The following ANO2 variants were observed in gnomAD, a reference collection of about 807,000 sequenced individuals.
ANO2 encodes anoctamin-2.
Under a neutral mutation model 124.2 loss-of-function variants are expected in ANO2, and 101 were observed. The observed-to-expected ratio is 0.81, with a 90% confidence interval of 0.69 to 0.96. The LOEUF is 0.96. Among genes scored for constraint, ANO2 ranks in the 40% least tolerant of loss-of-function variants. ANO2 has a pLI of 0.00. For synonymous variants in ANO2, 486 were observed against 482.5 expected (o/e 1.01, Z -0.09); for missense variants, 1,293 against 1,274.5 (o/e 1.01, Z -0.22).
Position 5,877,017 on chromosome 12 carries a change from C to G in ANO2, c.535-22876G>C, listed in dbSNP as rs183579279. Among the ~76,000 whole-genome samples, 324 of 152,158 alleles carry G rather than the reference C, an allele frequency of 2.1e-3. 1 individual carries two copies. Among genetic ancestry groups the G allele is most frequent in the Non-Finnish European group, 3.6e-3 (245 of 68,018 alleles). On this transcript the variant is annotated intron_variant, in intron 3 of 24. Coordinates refer to ENST00000682330, the MANE Select transcript of ANO2 (RefSeq NM_001364791.2). ...TAAATAAACATTCTTTCATCAATTC[C>G]CACTTTAAAGTAAAGAGCAAATGGT...
intron 7 of ANO2, among the ~76,000 whole-genome samples, chr12:5,811,549 G>A (rs1953390515): frequency 6.6e-6 from 1 of 152,200 alleles, no homozygotes; most frequent in East Asian, 1.9e-4. Flanking sequence ...AAATGTCCAC[G>A]AAAATATAGT....
chr12:5,724,262 C>G (rs1950345617), intron 14 of ANO2, among the ~76,000 whole-genome samples: 1 of 152,040 alleles, frequency 6.6e-6, no homozygotes, highest in Admixed American at 6.6e-5. Flanking sequence ...AACGAGAAAC[C>G]CTAAGAAGAG....
At chr12:5,801,042 G>T (rs1035364386) in intron 9 of ANO2, among the ~76,000 whole-genome samples, 5 of 152,158 alleles carry the variant, frequency 3.3e-5, no homozygotes, top group Admixed American at 2.6e-4. Flanking sequence ...GAAGCTAAGG[G>T]AAGAAAGGAT....
At chr12:5,805,042 G>A (rs980887548) in intron 9 of ANO2, among the ~76,000 whole-genome samples, 1 of 151,998 alleles carries the variant, frequency 6.6e-6, no homozygotes, top group Non-Finnish European at 1.5e-5. Flanking sequence ...ATTAAACACC[G>A]AGACTATTAG....
At chr12:5,709,423 T>G (rs904542549) in intron 14 of ANO2, among the ~76,000 whole-genome samples, 11 of 152,160 alleles carry the variant, frequency 7.2e-5, no homozygotes, top group Non-Finnish European at 1.3e-4. Flanking sequence ...TTCAATGATC[T>G]CCCTTCTCCT....
At chr12:5,918,339 G>C (rs549992482) in intron 3 of ANO2, among the ~76,000 whole-genome samples, 3 of 152,142 alleles carry the variant, frequency 2.0e-5, no homozygotes, top group African/African-American at 7.2e-5. Context: ...CATGAGGCAT[G>C]AGCCAGGCCA....
chr12:5,580,278 A>G (rs1003122373), intron 20 of ANO2, among the ~76,000 whole-genome samples: 1 of 152,368 alleles, frequency 6.6e-6, no homozygotes, highest in East Asian at 1.9e-4. Context: ...AATATGTACA[A>G]TGTTGGATAC....
rs578224921 is a variant in ANO2 at position 5,563,473 on chromosome 12, T to G, written c.2823A>C (p.Leu941Phe). Reference protein sequence around the residue: ...SDQIKKEKSLLVDFFLKEEHE... With the variant: ...SDQIKKEKSLFVDFFLKEEHE... ...GCTCCTCTTTCAGGAAGAAATCCAC[T>G]AATAAGCTCTTCTCTTTCTTGATCT... Residue 941 changes from leucine (L) to phenylalanine (F), a missense_variant, in exon 25 of 25, where the codon TTA becomes TTC. Transcript: ENST00000682330. The G allele has an allele frequency of 4.9e-5, 79 of 1,613,958 alleles. 1 individual carries two copies. In the East Asian group the frequency reaches 1.6e-3, roughly 33 times the overall value.
Position 5,750,971 on chromosome 12 carries a change from C to G in ANO2, c.1056-1G>C, listed in dbSNP as rs1345099667. ...TCCAATTTTTTCTCCAAAATACTTT[C>G]TGGAAAAGAAAGAAAAGAAAATGAA... On this transcript the variant is annotated splice_acceptor_variant, in intron 10 of 24. Transcript: ENST00000682330. LOFTEE classifies it high-confidence loss of function. 3.1e-6 allele frequency: 5 copies of G among 1,591,062 alleles called. No homozygotes were observed. In the African/African-American group the frequency reaches 6.7e-5, roughly 21 times the overall value.
intron 10 of ANO2, among the ~76,000 whole-genome samples, chr12:5,759,165 A>C (rs1439067000): frequency 6.6e-6 from 1 of 150,494 alleles, no homozygotes; most frequent in Non-Finnish European, 1.5e-5. Context: ...AAAAAAAAAA[A>C]ACAACAAAAC....
chr12:5,774,785 C>T (rs372517879), intron 10 of ANO2, among the ~76,000 whole-genome samples: 10 of 152,250 alleles, frequency 6.6e-5, no homozygotes, highest in African/African-American at 2.4e-4. Flanking sequence ...CAGGTTCATC[C>T]ATGTGAAATT....
At chr12:5,887,683 T>C (rs1334278992) in intron 3 of ANO2, among the ~76,000 whole-genome samples, 1 of 152,236 alleles carries the variant, frequency 6.6e-6, no homozygotes, top group African/African-American at 2.4e-5. Flanking sequence ...GAGAGAAGGA[T>C]GGAGACCCTT....
At chr12:5,595,437 C>G (rs994964390) in intron 20 of ANO2, among the ~76,000 whole-genome samples, 4 of 151,496 alleles carry the variant, frequency 2.6e-5, no homozygotes, top group Non-Finnish European at 4.4e-5. Context: ...TGCTCAGGCT[C>G]ATCTTGAGCT....
intron 1 of ANO2, among the ~76,000 whole-genome samples, chr12:5,936,450 A>C (rs1313236011): frequency 6.6e-6 from 1 of 152,186 alleles, no homozygotes; most frequent in Non-Finnish European, 1.5e-5. Context: ...AAAGGGCTCA[A>C]AGGAACAGGC....
chr12:5,615,372 G>GCTA, intron 16 of ANO2, 75 bp from the exon 17 acceptor site: 1 of 1,103,494 alleles, frequency 9.1e-7, no homozygotes, highest in East Asian at 2.6e-5. Flanking sequence ...CTAGACATGA[G>GCTA]CTACTATCTC....
At chr12:5,579,019 C>T (rs1424240345) in intron 20 of ANO2, among the ~76,000 whole-genome samples, 1 of 152,208 alleles carries the variant, frequency 6.6e-6, no homozygotes, top group African/African-American at 2.4e-5. Context: ...TATAAAGTGA[C>T]TAGGTTTGGC....
At chr12:5,776,491 T>C (rs1952236821) in intron 10 of ANO2, among the ~76,000 whole-genome samples, 1 of 152,226 alleles carries the variant, frequency 6.6e-6, no homozygotes, top group African/African-American at 2.4e-5. Context: ...CAAATGCCTA[T>C]TGAATGCATG....
chr12:5,873,201 C>CTT (rs1937834199), intron 3 of ANO2, among the ~76,000 whole-genome samples: 1 of 31,384 alleles, frequency 3.2e-5, no homozygotes, highest in African/African-American at 1.8e-4. Context: ...AAGCAGCTCT[C>CTT]TCTCTCTCTC....
intron 1 of ANO2, among the ~76,000 whole-genome samples, chr12:5,936,134 T>C (rs1191636952): frequency 6.6e-6 from 1 of 152,252 alleles, no homozygotes; most frequent in Non-Finnish European, 1.5e-5. Flanking sequence ...ATTCCAGATA[T>C]AAGTCCTTTG....
Sources: gnomAD v4.1 joint callset for allele counts (sites outside exome capture counted in the v4.1 genomes callset) on GRCh38, gnomAD v4.1.1 for gene constraint, MANE v1.5 for transcripts, NCBI Gene and HGNC (gene_info 2026-07-23, HGNC 2026-07-21) for gene names.